NINL: variants seen among roughly 807,000 people sequenced by gnomAD.
NINL encodes the protein ninein like, also known as ninein-like protein.
Under a neutral mutation model 160.3 loss-of-function variants are expected in NINL, and 153 were observed. The ratio of observed to expected loss-of-function variants is 0.95; its 90% CI spans 0.84 to 1.09. NINL has a LOEUF of 1.09. Among genes scored for constraint, NINL ranks in the 50% least tolerant of loss-of-function variants. NINL has a pLI of 0.00. For missense variants in NINL, 1,829 were observed against 1,764.0 expected, an observed-to-expected ratio of 1.04 and a Z score of -0.66; for synonymous variants, 800 against 734.8, an observed-to-expected ratio of 1.09 and a Z score of -1.43.
At chr20:25,506,919 C>T (rs934162385) in intron 5 of NINL, among the ~76,000 whole-genome samples, 29 of 152,138 alleles carry the variant, frequency 1.9e-4, no homozygotes, top group African/African-American at 6.5e-4. Context: ...CTTACATCAC[C>T]GCAATGCCAC....
chr20:25,498,135 TG>T (rs2063795379), intron 9 of NINL, 74 bp downstream of exon 9: 22 of 1,560,256 alleles, frequency 1.4e-5, no homozygotes, highest in Non-Finnish European at 1.8e-5. Flanking sequence ...TGGTGTCCTT[TG>T]TGTCCCAGAC....
In NINL at chr20:25,470,038, C is replaced by G. The variant is rs2063055265; in HGVS notation, c.3306G>C (p.Arg1102Ser). Reference sequence around the variant, plus strand: ...CTGCAGCTTCAAGCTCTTGCCGAACCCTTCCCAGATCGTTTTTCAACAAAG... The same window carrying G: ...CTGCAGCTTCAAGCTCTTGCCGAACGCTTCCCAGATCGTTTTTCAACAAAG... ...ENTLLKNDLG[R>S]VRQELEAAES... is the part of the protein sequence containing the mutation. The change falls in exon 18 of 24, where the codon AGG (arginine) becomes AGC (serine). Residue 1102 changes from arginine (R) to serine (S), a missense_variant. Transcript: ENST00000278886. 1.2e-6 allele frequency: 2 copies of G among 1,614,048 alleles called. No homozygotes were observed. The highest frequency in any genetic ancestry group is 8.5e-7 in the Non-Finnish European group (1 of 1,180,040).
At chr20:25,546,226 C>T (rs2064730311) in intron 1 of NINL, among the ~76,000 whole-genome samples, 1 of 152,174 alleles carries the variant, frequency 6.6e-6, no homozygotes, top group East Asian at 1.9e-4. Context: ...TTTCCATTAA[C>T]ACCTTCACAG....
intron 1 of NINL, among the ~76,000 whole-genome samples, chr20:25,538,139 T>A (rs577994466): frequency 2.6e-5 from 4 of 152,244 alleles, no homozygotes; most frequent in Non-Finnish European, 4.4e-5. Flanking sequence ...TGAACATGTG[T>A]CACCGAGTGA....
chr20:25,490,800 G>A (rs192203106), intron 11 of NINL, among the ~76,000 whole-genome samples: 1 of 152,120 alleles, frequency 6.6e-6, no homozygotes, highest in South Asian at 2.1e-4. Context: ...CCTCCCGGGA[G>A]GTGGGGCAGG....
rs527933644 is a variant in NINL, at chr20:25,511,960, G to C, written c.450+874C>G. On this transcript the variant is annotated intron_variant, in intron 4 of 23. Coordinates refer to ENST00000278886, the MANE Select transcript of NINL (RefSeq NM_025176.6). ...CTGAGAGCACAGAGAGCAGGAACCA[G>C]GAACCTTTTGGAATCCTTGAAAATG... is the stretch of plus-strand genomic sequence containing the variant. Among the ~76,000 whole-genome samples, 5 of 152,308 alleles carry C rather than the reference G, an allele frequency of 3.3e-5. No homozygotes were observed. The East Asian group carries it at 7.7e-4, about 23-fold the overall frequency.
intron 1 of NINL, among the ~76,000 whole-genome samples, chr20:25,536,578 G>C (rs2064559853): frequency 6.6e-6 from 1 of 152,148 alleles, no homozygotes; most frequent in Non-Finnish European, 1.5e-5. Flanking sequence ...CATTAGCTGG[G>C]CATGGTGGCA....
chr20:25,465,221 C>T (rs564255759), intron 19 of NINL, among the ~76,000 whole-genome samples: 30 of 152,262 alleles, frequency 2.0e-4, no homozygotes, highest in South Asian at 1.9e-3. Context: ...GGATGGCCCA[C>T]GGGACCACTA....
chr20:25,466,968 C>T (rs1023415676), intron 19 of NINL, among the ~76,000 whole-genome samples: 4 of 152,192 alleles, frequency 2.6e-5, no homozygotes, highest in Admixed American at 6.5e-5. Flanking sequence ...ATGGGCTGAG[C>T]ATGCTGGCGT....
intron 1 of NINL, among the ~76,000 whole-genome samples, chr20:25,566,824 C>A (rs780371258): frequency 1.3e-5 from 2 of 149,558 alleles, no homozygotes; most frequent in African/African-American, 2.5e-5. Flanking sequence ...ACAACAACAA[C>A]AAAAATGAAA....
In NINL at chr20:25,484,432, G is replaced by A. The variant is rs146685724; in HGVS notation, c.1678-2332C>T. 5.7e-3 allele frequency among the ~76,000 whole-genome samples: 866 copies of A among 152,330 alleles called. 5 individuals are homozygous for A. Among genetic ancestry groups the A allele is most frequent in the Non-Finnish European group, 8.6e-3 (585 of 68,032 alleles). ...ACCAAGACTCCTTGGAGAAATGGCA[G>A]ATTGTGGGCAGGTGCTGGGGCATCT... On this transcript the variant is annotated intron_variant, in intron 13 of 23. Transcript: ENST00000278886.
At chr20:25,578,211 G>A (rs553326052) in intron 1 of NINL, among the ~76,000 whole-genome samples, 71 of 151,406 alleles carry the variant, frequency 4.7e-4, no homozygotes, top group Admixed American at 2.8e-3. Context: ...AGGATCAAGC[G>A]ATTCTTCCAT....
Position 25,456,322 on chromosome 20 carries a change from C to T in NINL, c.3844-536G>A, listed in dbSNP as rs1048215206. ...TAGCACTTTGGGAGTCTGAGGCGGG[C>T]GGATTACCTGAGCTCAGGAGTTCGA... On this transcript the variant is annotated intron_variant, in intron 22 of 23. Transcript: ENST00000278886. 1.4e-4 allele frequency among the ~76,000 whole-genome samples: 20 copies of T among 142,624 alleles called. 1 individual carries two copies. Among genetic ancestry groups the T allele is most frequent in the East Asian group, 8.5e-4 (4 of 4,724 alleles). The allele number at this position is 142,624 out of a possible 152,430, so 93.6% of individuals were successfully genotyped here.
At chr20:25,563,690 C>T (rs1373247950) in intron 1 of NINL, among the ~76,000 whole-genome samples, 2 of 152,118 alleles carry the variant, frequency 1.3e-5, no homozygotes, top group African/African-American at 2.4e-5. Context: ...GGAGAAAATA[C>T]ACCATGCAAA....
intron 11 of NINL, among the ~76,000 whole-genome samples, 196 bp downstream of exon 11, chr20:25,491,155 C>T (rs1335252381): frequency 1.3e-5 from 2 of 152,262 alleles, no homozygotes; most frequent in African/African-American, 2.4e-5. Context: ...GTCCTGCTGG[C>T]AAGCCAGGAC....
chr20:25,504,958 C>A lies in NINL; in HGVS notation c.638G>T (p.Ser213Ile), dbSNP rs148933774. 1 of 1,613,114 alleles carries A rather than the reference C, an allele frequency of 6.2e-7. No individual in the cohort carries two copies. Among genetic ancestry groups the A allele is most frequent in the African/African-American group, 1.3e-5 (1 of 74,886 alleles). ...GVWEELGVGSSGHLSEQELAV... is the reference protein window; with the variant it reads ...GVWEELGVGSIGHLSEQELAV... ...CAGCTCCTGCTCGCTCAGGTGTCCG[C>A]TGCTGCCCACCCCCAGCTCTTCCCA... The change falls in exon 6 of 24, where the codon AGC becomes ATC. Residue 213 changes from serine (S) to isoleucine (I), a missense_variant. Transcript: ENST00000278886.
rs936127966 is a variant in NINL, at chr20:25,478,776, G to A, written c.2201+147C>T. On this transcript the variant is annotated intron_variant, in intron 16 of 23. Transcript: ENST00000278886. ...AGCCAGAATCCTCATGCCAGGACCT[G>A]TTCTTTTGGCACTCACCCATCTGCC... is the stretch of plus-strand genomic sequence containing the variant. 1.4e-5 allele frequency: 11 copies of A among 808,632 alleles called. No individual in the cohort carries two copies. In the African/African-American group the frequency reaches 1.5e-4, roughly 11 times the overall value. 50.1% of individuals were successfully genotyped at this position (808,632 alleles called of 1,614,324 possible).
At chr20:25,501,473 G>A (rs1400357412) in intron 7 of NINL, among the ~76,000 whole-genome samples, 1 of 152,202 alleles carries the variant, frequency 6.6e-6, no homozygotes, top group African/African-American at 2.4e-5. Flanking sequence ...AAGTGCGCTG[G>A]CCCAGGCAGA....
chr20:25,470,158 G>T, intron 17 of NINL, 63 bp from the exon 18 acceptor site: 1 of 1,353,164 alleles, frequency 7.4e-7, no homozygotes, highest in Non-Finnish European at 1.1e-6. Context: ...CACGGAGGCT[G>T]GCTCTGCAGC....
Sources: allele counts gnomAD v4.1 joint callset (sites outside exome capture counted in the v4.1 genomes callset), GRCh38; gene constraint gnomAD v4.1.1; transcripts MANE v1.5; gene names NCBI Gene and HGNC (gene_info 2026-07-23, HGNC 2026-07-21).